The following RELCH variants were observed in gnomAD, a reference collection of about 807,000 sequenced individuals.
RELCH encodes the protein RAB11 binding and LisH domain, coiled-coil and HEAT repeat containing, also known as RAB11-binding protein RELCH.
In RELCH, 41 loss-of-function variants were observed where a neutral mutation model predicts 150.3. The observed-to-expected ratio is 0.27, with a 90% CI of 0.21 to 0.35. The LOEUF (loss-of-function observed/expected upper bound fraction) is 0.35, where lower values mean the gene tolerates loss of function less well. Among genes scored for constraint, RELCH ranks in the 10% least tolerant of loss-of-function variants. The probability of loss-of-function intolerance (pLI) is 1.00; values close to 1 mark genes in which losing one functional copy is unlikely to be tolerated. For missense variants in RELCH, 1,092 were observed against 1,467.8 expected, an observed-to-expected ratio of 0.74 and a Z score of 4.18; for synonymous variants, 478 against 531.8, an observed-to-expected ratio of 0.90 and a Z score of 1.39.
intron 27 of RELCH, among the ~76,000 whole-genome samples, chr18:62,293,714 A>AACT: frequency 6.6e-6 from 1 of 152,132 alleles, no homozygotes; most frequent in Non-Finnish European, 1.5e-5. Context: ...AAAATTTTTA[A>AACT]AATAATAATA....
chr18:62,260,592 A>G (rs1319918242), intron 15 of RELCH, among the ~76,000 whole-genome samples: 1 of 151,942 alleles, frequency 6.6e-6, no homozygotes, highest in Non-Finnish European at 1.5e-5. Flanking sequence ...ACTTTCAAGG[A>G]CTTACATGTT....
chr18:62,258,414 T>G, intron 14 of RELCH, 98 bp from the exon 15 acceptor site: 7 of 1,087,392 alleles, frequency 6.4e-6, no homozygotes, highest in Non-Finnish European at 9.1e-6. Context: ...CTTAAAAATA[T>G]GTTCTTAATT....
intron 2 of RELCH, among the ~76,000 whole-genome samples, chr18:62,220,052 T>C (rs1195300008): frequency 1.3e-5 from 2 of 152,080 alleles, no homozygotes; most frequent in Non-Finnish European, 2.9e-5. Context: ...CAGAAATATA[T>C]TTTTTCTCAA....
chr18:62,193,765 C>G (rs2038822065), intron 1 of RELCH, among the ~76,000 whole-genome samples: 1 of 152,074 alleles, frequency 6.6e-6, no homozygotes, highest in Admixed American at 6.6e-5. Flanking sequence ...TTCGATTTGC[C>G]AGTATTTTAT....
intron 21 of RELCH, 50 bp downstream of exon 21, chr18:62,274,136 A>G: frequency 8.6e-7 from 1 of 1,165,256 alleles, no homozygotes; most frequent in Non-Finnish European, 1.3e-6. Flanking sequence ...AAGTTTTTAG[A>G]TTGGATTTAT....
intron 1 of RELCH, among the ~76,000 whole-genome samples, chr18:62,196,597 C>T (rs2039068405): frequency 6.6e-6 from 1 of 152,194 alleles, no homozygotes; most frequent in Non-Finnish European, 1.5e-5. Context: ...CCACTATTCT[C>T]TGGGCCATAG....
At chr18:62,284,027 T>C (rs951772957) in intron 25 of RELCH, among the ~76,000 whole-genome samples, 4 of 152,208 alleles carry the variant, frequency 2.6e-5, no homozygotes, top group Non-Finnish European at 5.9e-5. Context: ...TTTCTATGTA[T>C]ATTCAAAAGA....
chr18:62,290,387 T>C (rs1344130923), intron 26 of RELCH, among the ~76,000 whole-genome samples: 2 of 152,160 alleles, frequency 1.3e-5, no homozygotes, highest in African/African-American at 4.8e-5. Context: ...AAAAATTAGC[T>C]GGATGTGGTG....
chr18:62,298,439 G>C (rs1455805487), intron 27 of RELCH, among the ~76,000 whole-genome samples: 3 of 152,040 alleles, frequency 2.0e-5, no homozygotes, highest in Non-Finnish European at 4.4e-5. Context: ...GCTTTTACTG[G>C]GAAAATATGT....
At chr18:62,269,665 T>C (rs888602449) in intron 20 of RELCH, among the ~76,000 whole-genome samples, 5 of 152,228 alleles carry the variant, frequency 3.3e-5, no homozygotes, top group African/African-American at 7.2e-5. Flanking sequence ...TGCATTTATA[T>C]GCTACCAATA....
chr18:62,193,462 C>T (rs1195174752), intron 1 of RELCH, among the ~76,000 whole-genome samples: 2 of 152,132 alleles, frequency 1.3e-5, no homozygotes, highest in Non-Finnish European at 2.9e-5. Context: ...GGGATTGCTT[C>T]CAGCTTTTGC....
intron 2 of RELCH, among the ~76,000 whole-genome samples, chr18:62,214,717 CT>C (rs1379336184): frequency 1.3e-5 from 2 of 152,176 alleles, no homozygotes; most frequent in Non-Finnish European, 2.9e-5. Flanking sequence ...GCTGCCAAAG[CT>C]TACTGCTTGC....
intron 2 of RELCH, among the ~76,000 whole-genome samples, chr18:62,218,624 G>A (rs1234907796): frequency 6.6e-6 from 1 of 151,890 alleles, no homozygotes. Context: ...ATCTGGAGTT[G>A]CTTATACTGA....
chr18:62,270,044 T>C (rs1409271456), intron 20 of RELCH, among the ~76,000 whole-genome samples: 1 of 152,216 alleles, frequency 6.6e-6, no homozygotes, highest in Non-Finnish European at 1.5e-5. Context: ...AGCTTTCTCC[T>C]CTTCTGCTGT....
chr18:62,283,766 T>G (rs1417266770), intron 25 of RELCH, among the ~76,000 whole-genome samples: 1 of 152,190 alleles, frequency 6.6e-6, no homozygotes, highest in African/African-American at 2.4e-5. Flanking sequence ...AGGTAGGAAC[T>G]CTGAAGGTGC....
chr18:62,242,018 G>A (rs2042173222), intron 10 of RELCH, among the ~76,000 whole-genome samples: 1 of 152,148 alleles, frequency 6.6e-6, no homozygotes, highest in African/African-American at 2.4e-5. Flanking sequence ...TGCTGGCTCT[G>A]TCAGAAACAG....
intron 25 of RELCH, among the ~76,000 whole-genome samples, chr18:62,282,771 C>CCTCA (rs1335345492): frequency 6.6e-6 from 1 of 152,184 alleles, no homozygotes; most frequent in Non-Finnish European, 1.5e-5. Context: ...GATTCTCCTG[C>CCTCA]CTCAGCCTCC....
At chr18:62,251,102 A>G (rs534921712) in intron 11 of RELCH, among the ~76,000 whole-genome samples, 1 of 152,304 alleles carries the variant, frequency 6.6e-6, no homozygotes, top group East Asian at 1.9e-4. Context: ...TATCAATTCA[A>G]ATGAAGATAA....
intron 1 of RELCH, among the ~76,000 whole-genome samples, chr18:62,208,164 C>T (rs1364317716): frequency 6.6e-6 from 1 of 151,740 alleles, no homozygotes; most frequent in East Asian, 1.9e-4. Flanking sequence ...AGCATCTCTC[C>T]TTCATTCATT....
Sources: allele counts gnomAD v4.1 joint callset (sites outside exome capture counted in the v4.1 genomes callset), GRCh38; gene constraint gnomAD v4.1.1; transcripts MANE v1.5; gene names NCBI Gene and HGNC (gene_info 2026-07-23, HGNC 2026-07-21).